Variants in DLG2 observed in about 807,000 individuals in gnomAD.
DLG2 encodes the protein discs large MAGUK scaffold protein 2, also known as disks large homolog 2.
Under a neutral mutation model 132.5 loss-of-function variants are expected in DLG2, and 45 were observed. The ratio of observed to expected loss-of-function variants is 0.34; its 90% CI spans 0.27 to 0.44. DLG2 has a LOEUF of 0.44. Ranked by LOEUF, DLG2 falls within the 20% of genes least tolerant of loss-of-function variation. The pLI is 1.00. For synonymous variants in DLG2, 424 were observed against 419.6 expected (o/e 1.01, Z -0.13); for missense variants, 1,045 against 1,196.9 (o/e 0.87, Z 1.87).
intron 9 of DLG2, among the ~76,000 whole-genome samples, chr11:84,126,740 T>C (rs1262601834): frequency 2.6e-5 from 4 of 152,220 alleles, no homozygotes; most frequent in African/African-American, 9.6e-5. Context: ...AATTAGACTA[T>C]GTTTTTTCCT....
chr11:85,278,459 G>C lies in DLG2; in HGVS notation c.186+6761C>G, dbSNP rs182620236. Among the ~76,000 whole-genome samples, 968 of 152,234 alleles carry C rather than the reference G, an allele frequency of 6.4e-3. 6 individuals are homozygous for C. Among genetic ancestry groups the C allele is most frequent in the African/African-American group, 0.022 (912 of 41,548 alleles). ...GTACTAAAAATACAAAATTAGCTGG[G>C]CATGGTAGTGCATGCCTGTAATCTC... On this transcript the variant is annotated intron_variant, in intron 4 of 27. Coordinates refer to ENST00000376104, the MANE Select transcript of DLG2 (RefSeq NM_001142699.3).
At chr11:83,557,537 C>T (rs1357656929) in intron 19 of DLG2, among the ~76,000 whole-genome samples, 1 of 152,222 alleles carries the variant, frequency 6.6e-6, no homozygotes, top group Non-Finnish European at 1.5e-5. Context: ...CCTCTAGGCT[C>T]TGCATCATGG....
intron 18 of DLG2, among the ~76,000 whole-genome samples, chr11:83,750,886 A>G (rs74656187): frequency 0.011 from 1,698 of 152,304 alleles, 29 homozygotes; most frequent in African/African-American, 0.038. Context: ...TTATTTCTTT[A>G]TGCATTTAAC....
chr11:85,426,142 G>T (rs527786308), intron 3 of DLG2, among the ~76,000 whole-genome samples: 3 of 152,186 alleles, frequency 2.0e-5, no homozygotes, highest in Non-Finnish European at 4.4e-5. Context: ...CAGCAGGGAA[G>T]CTCGAACTGG....
At chr11:85,112,291 T>C (rs2072898548) in intron 5 of DLG2, among the ~76,000 whole-genome samples, 1 of 152,054 alleles carries the variant, frequency 6.6e-6, no homozygotes, top group Non-Finnish European at 1.5e-5. Flanking sequence ...GAGTCAGAAA[T>C]TTGACATTCT....
intron 6 of DLG2, among the ~76,000 whole-genome samples, chr11:84,617,954 T>C (rs1009933564): frequency 6.6e-6 from 1 of 151,944 alleles, no homozygotes; most frequent in African/African-American, 2.4e-5. Context: ...AAAACAGGTA[T>C]GTGTAGGTAG....
At chr11:84,216,209 A>C (rs923492089) in intron 8 of DLG2, among the ~76,000 whole-genome samples, 6 of 152,106 alleles carry the variant, frequency 3.9e-5, no homozygotes, top group African/African-American at 1.4e-4. Flanking sequence ...AAGCATCAGC[A>C]GGCCAGTCCT....
At chr11:84,525,856 A>G (rs961104610) in intron 7 of DLG2, among the ~76,000 whole-genome samples, 6 of 152,172 alleles carry the variant, frequency 3.9e-5, no homozygotes, top group African/African-American at 1.4e-4. Flanking sequence ...CTACTTGGCA[A>G]TTCTCAGAAC....
At chr11:85,168,809 G>T (rs1210468889) in intron 4 of DLG2, among the ~76,000 whole-genome samples, 1 of 151,966 alleles carries the variant, frequency 6.6e-6, no homozygotes, top group Non-Finnish European at 1.5e-5. Flanking sequence ...CTAGTACCAG[G>T]TACTTCATTA....
chr11:85,543,038 G>C (rs1598398236), intron 3 of DLG2, among the ~76,000 whole-genome samples: 1 of 152,046 alleles, frequency 6.6e-6, no homozygotes, highest in African/African-American at 2.4e-5. Context: ...TGCAGAACTT[G>C]CAGGTTTGTT....
At chr11:85,627,153 T>A (rs557104145) in intron 1 of DLG2, 65 bp downstream of exon 1, 1 of 152,182 alleles carries the variant, frequency 6.6e-6, no homozygotes, top group Non-Finnish European at 1.5e-5. Flanking sequence ...TTGAACAGTT[T>A]TCTGTGGCAG....
At chr11:85,429,355 C>T (rs1323764794) in intron 3 of DLG2, among the ~76,000 whole-genome samples, 1 of 151,656 alleles carries the variant, frequency 6.6e-6, no homozygotes, top group Non-Finnish European at 1.5e-5. Flanking sequence ...TCCCTGATGA[C>T]AAATGGGATC....
At chr11:84,763,454 A>T (rs1274540273) in intron 6 of DLG2, 1 of 151,608 alleles carries the variant, frequency 6.6e-6, no homozygotes, top group Non-Finnish European at 1.5e-5. Flanking sequence ...TGTTTCCTTC[A>T]TCTCTCACCC....
At chr11:84,284,435 C>A (rs1159241422) in intron 7 of DLG2, among the ~76,000 whole-genome samples, 1 of 152,168 alleles carries the variant, frequency 6.6e-6, no homozygotes. Flanking sequence ...ATGTCTCAAA[C>A]CTGCTTAAGA....
At chr11:85,063,568 G>A (rs1270127190) in intron 6 of DLG2, among the ~76,000 whole-genome samples, 4 of 151,736 alleles carry the variant, frequency 2.6e-5, no homozygotes, top group Non-Finnish European at 5.9e-5. Context: ...AGACTTATAT[G>A]GTTATTGGCT....
intron 3 of DLG2, among the ~76,000 whole-genome samples, chr11:85,487,441 G>A (rs2093454549): frequency 1.4e-5 from 2 of 147,710 alleles, no homozygotes; most frequent in African/African-American, 2.5e-5. Flanking sequence ...AAAAACCTCA[G>A]GATATGATGA....
chr11:85,502,499 A>G (rs2093828002), intron 3 of DLG2, among the ~76,000 whole-genome samples: 1 of 152,148 alleles, frequency 6.6e-6, no homozygotes, highest in South Asian at 2.1e-4. Flanking sequence ...TGTCCTTTGC[A>G]GGGACATGGA....
At chr11:83,825,140 C>G (rs1450520680) in intron 17 of DLG2, among the ~76,000 whole-genome samples, 19 of 87,092 alleles carry the variant, frequency 2.2e-4, no homozygotes, top group Non-Finnish European at 3.3e-4. Context: ...TATACACACA[C>G]ACACACACAC....
intron 7 of DLG2, among the ~76,000 whole-genome samples, chr11:84,301,279 A>T (rs2098148283): frequency 6.6e-6 from 1 of 152,156 alleles, no homozygotes; most frequent in Non-Finnish European, 1.5e-5. Context: ...ACATGAAAAA[A>T]GCTCATCATC....
Sources: gnomAD v4.1 joint callset for allele counts (sites outside exome capture counted in the v4.1 genomes callset) on GRCh38, gnomAD v4.1.1 for gene constraint, MANE v1.5 for transcripts, NCBI Gene and HGNC (gene_info 2026-07-23, HGNC 2026-07-21) for gene names.